The following ATP7B variants were observed in gnomAD, a reference collection of about 807,000 sequenced individuals.
The protein encoded by ATP7B is copper-transporting ATPase 2.
A neutral mutation model predicts 118.9 loss-of-function variants in ATP7B; 113 were observed. The observed-to-expected ratio is 0.95, with a 90% CI of 0.82 to 1.11. The LOEUF (loss-of-function observed/expected upper bound fraction) is 1.11. Ranked by LOEUF, ATP7B falls within the 50% of genes most tolerant of loss-of-function variation. The pLI is 0.00. For missense variants in ATP7B, 1,867 were observed against 1,871.4 expected, an observed-to-expected ratio of 1.00 and a Z score of 0.04; for synonymous variants, 777 against 727.4, an observed-to-expected ratio of 1.07 and a Z score of -1.10.
chr13:52,000,345 G>A (rs952302106), intron 1 of ATP7B, among the ~76,000 whole-genome samples: 1 of 152,182 alleles, frequency 6.6e-6, no homozygotes, highest in South Asian at 2.1e-4. Flanking sequence ...GAAGAGCAAA[G>A]TGGCTCCCTC....
In ATP7B at chr13:51,974,388, T is replaced by C. The variant is rs772217511; in HGVS notation, c.832A>G (p.Asn278Asp). 6 of 1,613,874 alleles carry C rather than the reference T, an allele frequency of 3.7e-6. No homozygotes were observed. In the African/African-American group the frequency reaches 5.3e-5, roughly 14 times the overall value. Residue 278 changes from asparagine (N) to aspartate (D), a missense_variant, in exon 2 of 21, where the codon AAT becomes GAT. Asn to Asp is a conservative substitution (Grantham distance 23). Coordinates refer to ENST00000242839, the MANE Select transcript of ATP7B (RefSeq NM_000053.4). Reference protein sequence around the residue: ...CKSCVLNIEENIGQLLGVQSI... With the variant: ...CKSCVLNIEEDIGQLLGVQSI... ...TGAACCCCTAGGAGCTGGCCAATAT[T>C]TTCTTCAATATTCAAGACGCAAGAC...
At chr13:51,993,519 T>TGCCACTGCACTCCA (rs954570854) in intron 1 of ATP7B, among the ~76,000 whole-genome samples, 8 of 152,020 alleles carry the variant, frequency 5.3e-5, no homozygotes, top group Non-Finnish European at 8.8e-5. Context: ...GCCATGATCA[T>TGCCACTGCACTCCA]GCCACTGCAC....
At chr13:51,959,887 C>G (rs1331381085) in intron 7 of ATP7B, 7 of 518,200 alleles carry the variant, frequency 1.4e-5, no homozygotes, top group Non-Finnish European at 2.1e-5. Context: ...TATTCCAGGG[C>G]CAGTTCTGAT....
At chr13:52,007,503 A>G (rs1953831577) in intron 1 of ATP7B, among the ~76,000 whole-genome samples, 1 of 152,134 alleles carries the variant, frequency 6.6e-6, no homozygotes, top group Non-Finnish European at 1.5e-5. Context: ...CTCTAACATC[A>G]TGTCTTCTGT....
intron 13 of ATP7B, among the ~76,000 whole-genome samples, chr13:51,944,786 A>T (rs75927244): frequency 0.017 from 2,524 of 152,270 alleles, 75 homozygotes; most frequent in Admixed American, 0.085. Context: ...AATGACAAAC[A>T]AACCCCCAGA....
chr13:51,991,065 C>T (rs911397995), intron 1 of ATP7B, among the ~76,000 whole-genome samples: 5 of 151,158 alleles, frequency 3.3e-5, no homozygotes, highest in African/African-American at 9.7e-5. Flanking sequence ...TCCAGCCTGG[C>T]GACGGAGCGA....
intron 9 of ATP7B, among the ~76,000 whole-genome samples, chr13:51,956,902 T>C (rs1354883750): frequency 6.6e-6 from 1 of 152,184 alleles, no homozygotes; most frequent in Non-Finnish European, 1.5e-5. Flanking sequence ...CATTACTGAA[T>C]ACCTGTGTGA....
chr13:51,935,104 G>T (rs1385296232), intron 20 of ATP7B, 75 bp from the exon 21 acceptor site: 2 of 1,555,218 alleles, frequency 1.3e-6, no homozygotes, highest in African/African-American at 2.7e-5. Flanking sequence ...CCTGGTGAAG[G>T]CCTCTCATCC....
At chr13:52,001,519 C>G (rs1460241791) in intron 1 of ATP7B, among the ~76,000 whole-genome samples, 1 of 152,134 alleles carries the variant, frequency 6.6e-6, no homozygotes, top group African/African-American at 2.4e-5. Context: ...GAACTGTCTA[C>G]TAGCTTAGAA....
intron 1 of ATP7B, among the ~76,000 whole-genome samples, chr13:52,008,382 C>T (rs1320823084): frequency 1.3e-5 from 2 of 152,070 alleles, no homozygotes; most frequent in Non-Finnish European, 2.9e-5. Context: ...TCTATTCTGC[C>T]GGCATCACTG....
chr13:51,967,134 T>A, intron 4 of ATP7B: 3 of 1,589,972 alleles, frequency 1.9e-6, no homozygotes, highest in South Asian at 2.2e-5. Flanking sequence ...CTCGGATCTA[T>A]GAAAAAGTAG....
chr13:52,008,460 A>G (rs1209376123), intron 1 of ATP7B, among the ~76,000 whole-genome samples: 1 of 152,164 alleles, frequency 6.6e-6, no homozygotes, highest in African/African-American at 2.4e-5. Context: ...GAACATTCGA[A>G]TCCCCTAATC....
intron 8 of ATP7B, chr13:51,957,948 G>T: frequency 2.2e-6 from 1 of 456,714 alleles, no homozygotes; most frequent in Non-Finnish European, 4.0e-6. Flanking sequence ...TCAGTGTTGG[G>T]GACAATGAAG....
At position 51,966,808 on chromosome 13, in the gene ATP7B, A is replaced by C. The variant is rs559140639; in HGVS notation, c.1707+1636T>G. ...GGACAGCAAAGGCTTTGATGAATAC[A>C]TGAAGGAGCTAGGAGTGGGAATAGC... On this transcript the variant is annotated intron_variant, in intron 4 of 20. Transcript: ENST00000242839. The C allele has an allele frequency of 1.6e-3, 2,607 of 1,612,290 alleles. 4 individuals are homozygous for C. Among genetic ancestry groups the C allele is most frequent in the Non-Finnish European group, 1.7e-3 (2,023 of 1,179,012 alleles).
At position 51,933,885 on chromosome 13, in the gene ATP7B, C is replaced by T. The variant is rs981870419; in HGVS notation, c.*871G>A. ...AGGGATATGGAAGGACGTCCTGAATCGCGAGAACCTACACCCCACAGGAAG... is the reference window on the plus strand; with the variant it reads ...AGGGATATGGAAGGACGTCCTGAATTGCGAGAACCTACACCCCACAGGAAG... On this transcript the variant is annotated 3_prime_UTR_variant, in exon 21 of 21. Transcript: ENST00000242839. 1.3e-5 allele frequency: 2 copies of T among 152,296 alleles called. No homozygotes were observed. Among genetic ancestry groups the T allele is most frequent in the African/African-American group, 2.4e-5 (1 of 41,408 alleles). 9.4% of individuals were successfully genotyped at this position (152,296 alleles called of 1,614,324 possible). A position where few individuals can be genotyped will look rare whatever the true frequency, so the allele number is the denominator to read the frequency against.
intron 13 of ATP7B, among the ~76,000 whole-genome samples, chr13:51,946,072 A>C (rs1957631218): frequency 6.6e-6 from 1 of 152,214 alleles, no homozygotes; most frequent in Non-Finnish European, 1.5e-5. Flanking sequence ...TTGTTAATGC[A>C]ATTAAATCAA....
chr13:52,011,573 G>A (rs1374323376), upstream of ATP7B: 4 of 621,758 alleles, frequency 6.4e-6, no homozygotes, highest in Middle Eastern at 4.2e-4. Context: ...CCGTCCTCCC[G>A]ACCTGGGGGC....
At chr13:52,012,086 C>T (rs1954056704), upstream of ATP7B, 9 of 506,724 alleles carry the variant, frequency 1.8e-5, no homozygotes, top group Admixed American at 3.3e-5. Context: ...GGCTTTGGGC[C>T]GGGAACGGGG....
At chr13:51,943,644 G>T (rs992705970) in intron 14 of ATP7B, among the ~76,000 whole-genome samples, 29 of 152,274 alleles carry the variant, frequency 1.9e-4, no homozygotes, top group African/African-American at 7.0e-4. Context: ...TCCACGAAGT[G>T]CCAGGAACCT....
Sources: allele counts gnomAD v4.1 joint callset (sites outside exome capture counted in the v4.1 genomes callset), GRCh38; gene constraint gnomAD v4.1.1; transcripts MANE v1.5; gene names NCBI Gene and HGNC (gene_info 2026-07-23, HGNC 2026-07-21).